The following CPEB3 variants were observed in gnomAD, a reference collection of about 807,000 sequenced individuals.
CPEB3 encodes the protein cytoplasmic polyadenylation element binding protein 3.
A neutral mutation model predicts 67.2 loss-of-function variants in CPEB3; 20 were observed. The ratio of observed to expected loss-of-function variants is 0.30; its 90% CI spans 0.21 to 0.43. The LOEUF (loss-of-function observed/expected upper bound fraction) is 0.43, where lower values mean the gene tolerates loss of function less well. CPEB3 is among the 20% of genes least tolerant of loss of function. The pLI is 1.00. For missense variants in CPEB3, 746 were observed against 968.6 expected (o/e 0.77, Z 3.05); for synonymous variants, 376 against 393.1 (o/e 0.96, Z 0.51).
chr10:92,226,630 A>G (rs773950072), intron 2 of CPEB3, among the ~76,000 whole-genome samples: 2 of 152,230 alleles, frequency 1.3e-5, no homozygotes, highest in Admixed American at 1.3e-4. Flanking sequence ...CCTACATTCT[A>G]CTGTGGAAGA....
At chr10:92,198,179 G>A (rs1244542045) in intron 2 of CPEB3, among the ~76,000 whole-genome samples, 1 of 152,194 alleles carries the variant, frequency 6.6e-6, no homozygotes. Flanking sequence ...TGGGGATGGT[G>A]AGTGGCAGAG....
At chr10:92,158,221 A>G (rs1847297511) in intron 4 of CPEB3, among the ~76,000 whole-genome samples, 2 of 152,292 alleles carry the variant, frequency 1.3e-5, no homozygotes, top group South Asian at 2.1e-4. Context: ...TGCAGACACT[A>G]TATTTTTTTA....
chr10:92,133,354 A>C (rs1272835224), intron 6 of CPEB3, among the ~76,000 whole-genome samples: 1 of 152,244 alleles, frequency 6.6e-6, no homozygotes, highest in Admixed American at 6.5e-5. Context: ...CCGATCCCAC[A>C]GAAATACAAA....
intron 1 of CPEB3, among the ~76,000 whole-genome samples, chr10:92,250,459 AG>A (rs1212368328): frequency 2.0e-5 from 3 of 152,256 alleles, no homozygotes; most frequent in African/African-American, 4.8e-5. Flanking sequence ...ATTTTCTTGG[AG>A]GGGGGTCAAT....
Position 92,199,365 on chromosome 10 carries a change from T to C in CPEB3, c.1006-6729A>G, listed in dbSNP as rs754403838. Among the ~76,000 whole-genome samples the C allele has an allele frequency of 6.6e-3, 813 of 122,378 alleles. 13 individuals are homozygous for C. The highest frequency in any genetic ancestry group is 5.0e-3 in the Non-Finnish European group (308 of 61,194). 80.3% of individuals were successfully genotyped at this position (122,378 alleles called of 152,430 possible). On this transcript the variant is annotated intron_variant, in intron 2 of 9. Coordinates refer to ENST00000265997, the MANE Select transcript of CPEB3 (RefSeq NM_014912.5). ...GAGATCATGCCATTGCACTCCAGCC[T>C]GGGCAACAAAAGTGAAACTCTGTCT...
intron 8 of CPEB3, among the ~76,000 whole-genome samples, chr10:92,088,304 C>A (rs1843463079): frequency 6.7e-6 from 1 of 148,310 alleles, no homozygotes; most frequent in Non-Finnish European, 1.5e-5. Flanking sequence ...CAGCTCACTG[C>A]AGCCCCGAGC....
intron 7 of CPEB3, among the ~76,000 whole-genome samples, chr10:92,102,629 T>C (rs1844245506): frequency 6.6e-6 from 1 of 152,196 alleles, no homozygotes; most frequent in South Asian, 2.1e-4. Context: ...AGTGCAGAAA[T>C]ACAGCATGCA....
At chr10:92,071,288 G>A (rs1002669079) in intron 9 of CPEB3, among the ~76,000 whole-genome samples, 11 of 152,158 alleles carry the variant, frequency 7.2e-5, no homozygotes, top group Admixed American at 5.9e-4. Context: ...AATTTCTAGC[G>A]GACAACATGA....
chr10:92,167,656 C>G (rs377755360), intron 4 of CPEB3, among the ~76,000 whole-genome samples: 1 of 152,156 alleles, frequency 6.6e-6, no homozygotes, highest in Non-Finnish European at 1.5e-5. Flanking sequence ...CCTGTAATCC[C>G]AGCACTTTGG....
chr10:92,145,124 G>T, intron 4 of CPEB3, 39 bp from the exon 5 acceptor site: 1 of 1,608,526 alleles, frequency 6.2e-7, no homozygotes, highest in Non-Finnish European at 8.5e-7. Flanking sequence ...TGAAACAAAT[G>T]TGGGAGTTTC....
At chr10:92,074,117 G>T (rs114145486) in intron 9 of CPEB3, among the ~76,000 whole-genome samples, 2,220 of 150,004 alleles carry the variant, frequency 0.015, 56 homozygotes, top group African/African-American at 0.051. Flanking sequence ...TAAAAAAATG[G>T]TTTTTTTTTA....
intron 2 of CPEB3, among the ~76,000 whole-genome samples, chr10:92,233,778 C>T (rs1851387788): frequency 6.6e-6 from 1 of 152,026 alleles, no homozygotes; most frequent in Admixed American, 6.6e-5. Context: ...AAATATAAAA[C>T]TCCTTGCAAT....
At chr10:92,202,540 A>C (rs1849567817) in intron 2 of CPEB3, among the ~76,000 whole-genome samples, 1 of 150,738 alleles carries the variant, frequency 6.6e-6, no homozygotes. Context: ...AAATATAAAA[A>C]TTTTAAAAGT....
intron 1 of CPEB3, among the ~76,000 whole-genome samples, chr10:92,244,073 AGG>A (rs1851957122): frequency 1.3e-5 from 2 of 152,166 alleles, no homozygotes; most frequent in Admixed American, 1.3e-4. Flanking sequence ...GTTGCCGGGC[AGG>A]GTGGCTCATG....
chr10:92,167,268 C>G (rs1847788883), intron 4 of CPEB3, among the ~76,000 whole-genome samples: 1 of 152,188 alleles, frequency 6.6e-6, no homozygotes, highest in Non-Finnish European at 1.5e-5. Context: ...TAATTTCCTT[C>G]AAGAACCTTT....
chr10:92,113,277 C>G (rs972391098), intron 6 of CPEB3, among the ~76,000 whole-genome samples: 5 of 152,360 alleles, frequency 3.3e-5, no homozygotes, highest in African/African-American at 1.2e-4. Flanking sequence ...ACAATACATA[C>G]ATCATTTCTT....
intron 6 of CPEB3, among the ~76,000 whole-genome samples, chr10:92,133,108 C>G (rs950382738): frequency 2.0e-5 from 3 of 151,996 alleles, no homozygotes; most frequent in Non-Finnish European, 2.9e-5. Flanking sequence ...ATTAAAAGAA[C>G]TAGAGAAGCA....
chr10:92,231,398 T>G (rs1406241094), intron 2 of CPEB3, among the ~76,000 whole-genome samples: 1 of 152,156 alleles, frequency 6.6e-6, no homozygotes, highest in Non-Finnish European at 1.5e-5. Context: ...CACAACAGTA[T>G]TCCTCTAACA....
At chr10:92,166,562 T>G (rs1344743891) in intron 4 of CPEB3, among the ~76,000 whole-genome samples, 1 of 152,226 alleles carries the variant, frequency 6.6e-6, no homozygotes, top group Non-Finnish European at 1.5e-5. Flanking sequence ...AGTAATATTT[T>G]GAAAGGAGTA....
Sources: gnomAD v4.1 joint callset for allele counts (sites outside exome capture counted in the v4.1 genomes callset) on GRCh38, gnomAD v4.1.1 for gene constraint, MANE v1.5 for transcripts, NCBI Gene and HGNC (gene_info 2026-07-23, HGNC 2026-07-21) for gene names.